HCK: variants seen among roughly 807,000 people sequenced by gnomAD.
HCK encodes tyrosine-protein kinase HCK.
Under a neutral mutation model 70.4 loss-of-function variants are expected in HCK, and 40 were observed. That is an observed-to-expected ratio of 0.57 (90% CI 0.44 to 0.74). HCK has a LOEUF of 0.74. Among genes scored for constraint, HCK ranks in the 30% least tolerant of loss-of-function variants. The pLI, the probability that HCK is intolerant of heterozygous loss-of-function variation, is 0.00. For missense variants in HCK, 568 were observed against 697.2 expected (o/e 0.81, Z 2.09); for synonymous variants, 245 against 263.2 (o/e 0.93, Z 0.67).
intron 10 of HCK, among the ~76,000 whole-genome samples, chr20:32,091,746 G>T (rs921222712): frequency 3.8e-4 from 57 of 151,966 alleles, no homozygotes; most frequent in African/African-American, 1.4e-3. Context: ...AGCACTTTGG[G>T]AAGCTGAAGC....
Position 32,075,627 on chromosome 20 carries a change from G to C in HCK, c.428+906G>C, listed in dbSNP as rs997311307. On this transcript the variant is annotated intron_variant, in intron 5 of 12. Coordinates refer to ENST00000375852, the MANE Select transcript of HCK (RefSeq NM_002110.5). ...CTCAAGGAGCTCTCCATAACCCATCGTTCTTGGCTGTGGGTTCTTCTTGTG... is the reference window on the plus strand; with the variant it reads ...CTCAAGGAGCTCTCCATAACCCATCCTTCTTGGCTGTGGGTTCTTCTTGTG... Among the ~76,000 whole-genome samples the C allele has an allele frequency of 4.6e-5, 7 of 152,236 alleles. No homozygotes were observed. The South Asian group carries it at 1.5e-3, about 32-fold the overall frequency.
rs2046037940 is a variant in HCK at position 32,101,656 on chromosome 20, C to A, written c.*137C>A. On this transcript the variant is annotated 3_prime_UTR_variant, in exon 13 of 13. Transcript: ENST00000375852. The stretch of plus-strand genomic sequence containing the variant: ...CTTCAGCCACAGTTTCCTCATCTGT[C>A]CAGTGGGTAGGTTGGACTGGAAAAT... 1 of 649,984 alleles carries A rather than the reference C, an allele frequency of 1.5e-6. No homozygotes were observed. 40.3% of individuals were successfully genotyped at this position (649,984 alleles called of 1,614,324 possible).
chr20:32,071,911 A>C, intron 2 of HCK, 129 bp downstream of exon 2: 1 of 1,149,570 alleles, frequency 8.7e-7, no homozygotes, highest in Non-Finnish European at 1.2e-6. Context: ...CTGGCCACCA[A>C]CAGTGTCCTG....
rs1430323258 is a variant in HCK, at chr20:32,094,714, A to AAAG, written c.1246+701_1246+703dup. 2.6e-3 allele frequency among the ~76,000 whole-genome samples: 180 copies of AAAG among 70,058 alleles called. 2 individuals carry two copies. The highest frequency in any genetic ancestry group is 6.7e-3 in the African/African-American group (177 of 26,538). The allele number at this position is 70,058 out of a possible 152,430, so 46.0% of individuals were successfully genotyped here. A position where few individuals can be genotyped will look rare whatever the true frequency, so the allele number is the denominator to read the frequency against. On this transcript the variant is annotated intron_variant, in intron 11 of 12. Coordinates refer to ENST00000375852, the MANE Select transcript of HCK (RefSeq NM_002110.5). Reference sequence around the variant, plus strand: ...GAAAAGAAAAGAAAAGAAAAGAAAGAAAGAAAGAAAGAAAGAAAGAAAGAA... The same window carrying AAAG: ...GAAAAGAAAAGAAAAGAAAAGAAAGAAAGAAGAAAGAAAGAAAGAAAGAAAGAA...
At chr20:32,075,980 A>C (rs1195277502) in intron 5 of HCK, among the ~76,000 whole-genome samples, 1 of 152,160 alleles carries the variant, frequency 6.6e-6, no homozygotes, top group Non-Finnish European at 1.5e-5. Flanking sequence ...TGGGTTTGGG[A>C]TGCTTGCCTG....
At chr20:32,059,417 C>CTT (rs1600704880) in intron 1 of HCK, among the ~76,000 whole-genome samples, 1 of 93,806 alleles carries the variant, frequency 1.1e-5, no homozygotes, top group South Asian at 4.1e-4. Context: ...CTTTCTCTCT[C>CTT]TCTCTTTCTT....
intron 11 of HCK, among the ~76,000 whole-genome samples, chr20:32,094,789 GAAAGA>G (rs1230516956): frequency 0.055 from 1,093 of 20,002 alleles, 56 homozygotes; most frequent in African/African-American, 0.091. Context: ...GAGAGAAAGA[GAAAGA>G]AAGAAAGAAA....
chr20:32,065,966 C>T (rs2045450331), intron 1 of HCK, among the ~76,000 whole-genome samples: 1 of 152,172 alleles, frequency 6.6e-6, no homozygotes, highest in African/African-American at 2.4e-5. Flanking sequence ...TGTTAAAATG[C>T]ACATTCTGAT....
chr20:32,073,637 C>T, intron 3 of HCK, 79 bp from the exon 4 acceptor site: 1 of 933,712 alleles, frequency 1.1e-6, no homozygotes, highest in East Asian at 2.6e-5. Flanking sequence ...CGGAGCTGTT[C>T]CAGGTGCCGG....
intron 6 of HCK, 64 bp downstream of exon 6, chr20:32,079,941 C>T: frequency 8.3e-7 from 1 of 1,208,654 alleles, no homozygotes; most frequent in South Asian, 1.2e-5. Flanking sequence ...CTGGCCACCA[C>T]CCTTTCCTTG....
At chr20:32,083,817 C>G in intron 6 of HCK, 77 bp from the exon 7 acceptor site, 5 of 1,542,360 alleles carry the variant, frequency 3.2e-6, no homozygotes, top group Non-Finnish European at 4.5e-6. Flanking sequence ...GGTAGCCTTA[C>G]AGGGTGTCAG....
At chr20:32,073,459 C>A in intron 3 of HCK, 98 bp downstream of exon 3, 1 of 1,110,856 alleles carries the variant, frequency 9.0e-7, no homozygotes, top group Non-Finnish European at 1.3e-6. Flanking sequence ...AACAGTCAAA[C>A]CCCTGTCGAG....
intron 5 of HCK, 70 bp from the exon 6 acceptor site, chr20:32,079,703 AG>A (rs2122560377): frequency 2.0e-6 from 2 of 1,003,390 alleles, no homozygotes; most frequent in Admixed American, 1.9e-5. Flanking sequence ...GCATGGCCAC[AG>A]GCATCCTGTG....
At chr20:32,069,204 A>T (rs2045503081) in intron 1 of HCK, among the ~76,000 whole-genome samples, 1 of 152,210 alleles carries the variant, frequency 6.6e-6, no homozygotes, top group African/African-American at 2.4e-5. Flanking sequence ...CCACCCTATG[A>T]GGTAGAACCC....
rs1569010646 is a variant in HCK, at chr20:32,094,799, A to AAGAGAGAGAAAGAGAAAG, written c.1246+786_1246+787insGAGAGAAAGAGAAAGAGA. On this transcript the variant is annotated intron_variant, in intron 11 of 12. Coordinates refer to ENST00000375852, the MANE Select transcript of HCK (RefSeq NM_002110.5). ...AAAGAGAGAGAAAGAGAAAGAAAGA[A>AAGAGAGAGAAAGAGAAAG]AGAAAGAAAGAAAGAAAGAAAGAAA... Among the ~76,000 whole-genome samples, 19 of 36,588 alleles carry AAGAGAGAGAAAGAGAAAG rather than the reference A, an allele frequency of 5.2e-4. 1 individual carries two copies. The South Asian group carries it at 8.6e-3, about 17-fold the overall frequency. 24.0% of individuals were successfully genotyped at this position (36,588 alleles called of 152,430 possible). A position where few individuals can be genotyped will look rare whatever the true frequency, so the allele number is the denominator to read the frequency against.
intron 4 of HCK, 28 bp from the exon 5 acceptor site, chr20:32,074,595 A>G: frequency 1.3e-6 from 2 of 1,525,146 alleles, no homozygotes; most frequent in Non-Finnish European, 1.8e-6. Context: ...TTCTGTCCCT[A>G]ACACCTTTAC....
At position 32,073,783 on chromosome 20, in the gene HCK, C is replaced by A. The variant is rs1182470239; in HGVS notation, c.294C>A (p.Ser98Arg). Reference sequence around the variant, plus strand: ...AGGCCATTCACCACGAAGACCTCAGCTTCCAGAAGGGGGACCAGATGGTGG... The same window carrying A: ...AGGCCATTCACCACGAAGACCTCAGATTCCAGAAGGGGGACCAGATGGTGG... The change falls in exon 4 of 13, where the codon AGC becomes AGA. Residue 98 changes from serine to arginine, a missense_variant. By Grantham distance (110) the Ser-to-Arg change is moderately radical (BLOSUM62 -1). Coordinates refer to ENST00000375852, the MANE Select transcript of HCK (RefSeq NM_002110.5). The A allele has an allele frequency of 2.6e-6, 4 of 1,554,948 alleles. No homozygotes were observed. Among genetic ancestry groups the A allele is most frequent in the African/African-American group, 1.4e-5 (1 of 73,480 alleles).
intron 1 of HCK, among the ~76,000 whole-genome samples, chr20:32,070,901 G>T (rs570021203): frequency 1.4e-5 from 2 of 148,100 alleles, no homozygotes; most frequent in East Asian, 4.1e-4. Context: ...AGAGGAGGAG[G>T]AGGGAGGACA....
At chr20:32,081,267 T>C (rs1196897587) in intron 6 of HCK, among the ~76,000 whole-genome samples, 2 of 152,166 alleles carry the variant, frequency 1.3e-5, no homozygotes, top group Non-Finnish European at 2.9e-5. Context: ...TAATGTCAGG[T>C]GACCAGCTTC....
Sources: allele counts gnomAD v4.1 joint callset (sites outside exome capture counted in the v4.1 genomes callset), GRCh38; gene constraint gnomAD v4.1.1; transcripts MANE v1.5; gene names NCBI Gene and HGNC (gene_info 2026-07-23, HGNC 2026-07-21).